Variants in CTNNA3 observed in about 807,000 individuals in gnomAD.
The protein encoded by CTNNA3 is catenin alpha-3.
Under a neutral mutation model 95.7 loss-of-function variants are expected in CTNNA3, and 76 were observed. That is an observed-to-expected ratio of 0.79 (90% CI 0.66 to 0.96). CTNNA3 has a LOEUF of 0.96. Ranked by LOEUF, CTNNA3 falls within the 40% of genes least tolerant of loss-of-function variation. The pLI is 0.00. For missense variants in CTNNA3, 1,191 were observed against 1,089.8 expected, an observed-to-expected ratio of 1.09 and a Z score of -1.31; for synonymous variants, 431 against 374.4, an observed-to-expected ratio of 1.15 and a Z score of -1.74.
At chr10:66,192,504 C>T (rs1423040898) in intron 13 of CTNNA3, among the ~76,000 whole-genome samples, 2 of 152,080 alleles carry the variant, frequency 1.3e-5, no homozygotes, top group Non-Finnish European at 2.9e-5. Context: ...ATAATGGTCT[C>T]AGAAGTTATA....
At chr10:66,740,289 C>A (rs1001928392) in intron 9 of CTNNA3, among the ~76,000 whole-genome samples, 1 of 152,154 alleles carries the variant, frequency 6.6e-6, no homozygotes, top group African/African-American at 2.4e-5. Context: ...ATTGTAAGAA[C>A]AGTTTCTGAA....
intron 9 of CTNNA3, among the ~76,000 whole-genome samples, chr10:66,757,405 G>T (rs1436285177): frequency 1.3e-5 from 2 of 152,124 alleles, no homozygotes; most frequent in Non-Finnish European, 2.9e-5. Context: ...ACATAGCACT[G>T]GTTAAAAGAC....
At chr10:67,441,329 G>T (rs770339725) in intron 5 of CTNNA3, among the ~76,000 whole-genome samples, 1 of 150,742 alleles carries the variant, frequency 6.6e-6, no homozygotes, top group Non-Finnish European at 1.5e-5. Context: ...AGCCTCGAAA[G>T]GGCAAATCTA....
chr10:66,479,738 T>C (rs1839449960), intron 11 of CTNNA3, among the ~76,000 whole-genome samples: 1 of 150,824 alleles, frequency 6.6e-6, no homozygotes, highest in Non-Finnish European at 1.5e-5. Context: ...AAGGCATGCT[T>C]ATTATGACAG....
intron 15 of CTNNA3, among the ~76,000 whole-genome samples, chr10:66,014,221 C>A (rs1241265410): frequency 6.6e-6 from 1 of 152,030 alleles, no homozygotes; most frequent in East Asian, 1.9e-4. Context: ...GTTTTGGGTG[C>A]ATTTAAGCTC....
intron 11 of CTNNA3, among the ~76,000 whole-genome samples, chr10:66,402,771 C>CA (rs1172131132): frequency 6.6e-6 from 1 of 152,152 alleles, no homozygotes; most frequent in Non-Finnish European, 1.5e-5. Context: ...TTGCTTTCTG[C>CA]ATAGAAACTT....
At chr10:66,049,209 G>T (rs1190561173) in intron 15 of CTNNA3, among the ~76,000 whole-genome samples, 1 of 152,152 alleles carries the variant, frequency 6.6e-6, no homozygotes, top group African/African-American at 2.4e-5. Flanking sequence ...CTGATCATTA[G>T]AGAAATGCAA....
At chr10:67,038,877 T>C (rs925221280) in intron 7 of CTNNA3, among the ~76,000 whole-genome samples, 5 of 152,032 alleles carry the variant, frequency 3.3e-5, no homozygotes, top group Non-Finnish European at 7.4e-5. Context: ...TAATAATACA[T>C]ACAAATTTAG....
intron 10 of CTNNA3, among the ~76,000 whole-genome samples, chr10:66,565,690 A>G (rs1564536757): frequency 6.6e-6 from 1 of 152,180 alleles, no homozygotes; most frequent in Non-Finnish European, 1.5e-5. Context: ...TTTTAGCGAC[A>G]TAAACTCAGG....
chr10:66,839,939 G>C (rs1842991928), intron 7 of CTNNA3, among the ~76,000 whole-genome samples: 1 of 152,076 alleles, frequency 6.6e-6, no homozygotes, highest in Non-Finnish European at 1.5e-5. Context: ...GTGAAATTTA[G>C]ATGTTTGAAG....
chr10:67,392,910 G>T (rs1844560980), intron 5 of CTNNA3, among the ~76,000 whole-genome samples: 1 of 152,122 alleles, frequency 6.6e-6, no homozygotes, highest in East Asian at 1.9e-4. Flanking sequence ...CTGTTGTGGG[G>T]TGGGGGGAAG....
chr10:66,977,085 G>A (rs902858277), intron 7 of CTNNA3, among the ~76,000 whole-genome samples: 5 of 152,110 alleles, frequency 3.3e-5, no homozygotes, highest in African/African-American at 1.2e-4. Flanking sequence ...TAAATCAATG[G>A]GAAAATAGAT....
At chr10:66,156,487 T>A (rs1449201893) in intron 13 of CTNNA3, among the ~76,000 whole-genome samples, 1 of 151,968 alleles carries the variant, frequency 6.6e-6, no homozygotes, top group Admixed American at 6.6e-5. Context: ...CAATGCTTTC[T>A]GTGTGCCAAG....
chr10:67,725,028 A>G (rs1320495310), intron 1 of CTNNA3, among the ~76,000 whole-genome samples: 1 of 151,988 alleles, frequency 6.6e-6, no homozygotes, highest in Non-Finnish European at 1.5e-5. Flanking sequence ...TTATAAAATT[A>G]TATCTATTTA....
intron 9 of CTNNA3, among the ~76,000 whole-genome samples, chr10:66,724,001 G>A (rs886487354): frequency 6.6e-6 from 1 of 152,214 alleles, no homozygotes; most frequent in South Asian, 2.1e-4. Context: ...CCTGAACAGA[G>A]GAAGTGGAAT....
intron 5 of CTNNA3, among the ~76,000 whole-genome samples, chr10:67,236,678 TAAA>T: frequency 6.7e-6 from 1 of 148,266 alleles, no homozygotes; most frequent in South Asian, 2.1e-4. Context: ...AAATAAAAAA[TAAA>T]AAAATAAAAA....
chr10:66,008,494 C>A (rs1589243388), intron 15 of CTNNA3, among the ~76,000 whole-genome samples: 1 of 152,314 alleles, frequency 6.6e-6, no homozygotes, highest in East Asian at 1.9e-4. Context: ...CTTTTGGTGT[C>A]TTAAATGGCA....
intron 13 of CTNNA3, among the ~76,000 whole-genome samples, chr10:66,122,501 C>T (rs540227523): frequency 2.6e-5 from 4 of 152,134 alleles, no homozygotes; most frequent in South Asian, 2.1e-4. Context: ...TCAGAGAAGA[C>T]CAAACGGGAT....
In CTNNA3 at chr10:67,446,849, T is replaced by TA. The variant is rs1431377711; in HGVS notation, c.579+74992dup. 2.0e-5 allele frequency among the ~76,000 whole-genome samples: 3 copies of TA among 152,260 alleles called. No homozygotes were observed. In the East Asian group the frequency reaches 5.8e-4, roughly 30 times the overall value. On this transcript the variant is annotated intron_variant, in intron 5 of 17. Transcript: ENST00000433211. ...GGCCAGGCATGGTGGCTCACGGCTG[T>TA]AATCCCAGCACTTTGGGAGACCAAG...
Sources: allele counts gnomAD v4.1 joint callset (sites outside exome capture counted in the v4.1 genomes callset), GRCh38; gene constraint gnomAD v4.1.1; transcripts MANE v1.5; gene names NCBI Gene and HGNC (gene_info 2026-07-23, HGNC 2026-07-21).